The following FDX2 variants were observed in gnomAD, a reference collection of about 807,000 sequenced individuals.
The protein encoded by FDX2 is ferredoxin-2, mitochondrial.
FDX2 carries 13 observed loss-of-function variants against 18.5 expected under a neutral mutation model. The ratio of observed to expected loss-of-function variants is 0.70; its 90% CI spans 0.46 to 1.12. The LOEUF is 1.12. Ranked by LOEUF, FDX2 falls within the 50% of genes most tolerant of loss-of-function variation. FDX2 has a pLI of 0.00. For missense variants in FDX2, 238 were observed against 250.4 expected (o/e 0.95, Z 0.34); for synonymous variants, 132 against 106.2 (o/e 1.24, Z -1.49).
At chr19:10,311,866 ATTT>A (rs34531286) in intron 3 of FDX2, among the ~76,000 whole-genome samples, 1,934 of 97,256 alleles carry the variant, frequency 0.02, 21 homozygotes, top group Middle Eastern at 0.045. Flanking sequence ...CACCTGGCTA[ATTT>A]TTTTTTTTTT....
rs371059833 is a variant in FDX2, at chr19:10,315,941, G to A, written c.65C>T (p.Ala22Val). Residue 22 changes from alanine to valine, a missense_variant, in exon 1 of 5, where the codon GCC becomes GTC. Physicochemically the swap from Ala to Val is moderately conservative, Grantham distance 64. Transcript: ENST00000393708. ...AGGTCTGTTCCACCAGGTGCCCCTG[G>A]CAGCCTGCAGTAGAACCCTGGCACT... is the stretch of plus-strand genomic sequence containing the variant. The A allele has an allele frequency of 3.1e-6, 5 of 1,610,420 alleles. No homozygotes were observed. Among genetic ancestry groups the A allele is most frequent in the Non-Finnish European group, 4.2e-6 (5 of 1,179,090 alleles).
At chr19:10,313,075 T>C (rs1335183051) in intron 3 of FDX2, among the ~76,000 whole-genome samples, 7 of 152,150 alleles carry the variant, frequency 4.6e-5, no homozygotes, top group Admixed American at 4.6e-4. Flanking sequence ...GAGGTAGAGG[T>C]TGCAGTAAGC....
intron 3 of FDX2, among the ~76,000 whole-genome samples, chr19:10,311,866 ATT>A (rs34531286): frequency 0.16 from 15,410 of 97,134 alleles, 1,087 homozygotes; most frequent in Admixed American, 0.27. Context: ...CACCTGGCTA[ATT>A]TTTTTTTTTT....
intron 3 of FDX2, among the ~76,000 whole-genome samples, chr19:10,312,661 G>A (rs1224619428): frequency 6.6e-6 from 1 of 152,092 alleles, no homozygotes; most frequent in Non-Finnish European, 1.5e-5. Context: ...GCCTCCCAGA[G>A]CAGCTGGGAC....
intron 3 of FDX2, among the ~76,000 whole-genome samples, chr19:10,311,697 G>T (rs2040326369): frequency 6.9e-6 from 1 of 145,314 alleles, no homozygotes; most frequent in African/African-American, 2.5e-5. Context: ...ACTGCACCCG[G>T]CCAGGATTTT....
chr19:10,313,594 C>A (rs1223076074), intron 3 of FDX2, among the ~76,000 whole-genome samples: 1 of 135,074 alleles, frequency 7.4e-6, no homozygotes, highest in Non-Finnish European at 1.5e-5. Context: ...ACAGTCTCTA[C>A]TACTCAAGTT....
chr19:10,310,796 G>A, intron 4 of FDX2, 57 bp downstream of exon 4: 5 of 1,564,778 alleles, frequency 3.2e-6, no homozygotes, highest in Non-Finnish European at 4.4e-6. Context: ...GAGGATGGTG[G>A]GGGCTGCTGA....
chr19:10,313,671 A>ATATATATATATATT (rs1361901597), intron 3 of FDX2, among the ~76,000 whole-genome samples: 1 of 45,412 alleles, frequency 2.2e-5, no homozygotes, highest in African/African-American at 1.1e-4. Flanking sequence ...ATATATATAT[A>ATATATATATATATT]TTTTTTTTTT....
Position 10,310,660 on chromosome 19 carries a change from G to T in FDX2, c.405-18C>A, listed in dbSNP as rs1435896457. 6.3e-7 allele frequency: 1 copy of T among 1,599,424 alleles called. No homozygotes were observed. ...CGTCTTCCCTAGGGTGGTGACACGG[G>T]CAGTGTTAGCCGAGGGCAAGCTAGC... On this transcript the variant is annotated intron_variant, in intron 4 of 4. Coordinates refer to ENST00000393708, the MANE Select transcript of FDX2 (RefSeq NM_001031734.4).
chr19:10,311,811 C>T (rs1411766077), intron 3 of FDX2, among the ~76,000 whole-genome samples: 1 of 150,344 alleles, frequency 6.7e-6, no homozygotes, highest in Admixed American at 6.7e-5. Context: ...GCGATCCTCC[C>T]ACCCCAGCCT....
chr19:10,312,359 C>A (rs930801001), intron 3 of FDX2, among the ~76,000 whole-genome samples: 1 of 151,930 alleles, frequency 6.6e-6, no homozygotes, highest in Non-Finnish European at 1.5e-5. Flanking sequence ...TTTCTGCTGA[C>A]CACCTGCCCT....
chr19:10,310,748 TG>T, intron 4 of FDX2, 104 bp downstream of exon 4: 1 of 683,320 alleles, frequency 1.5e-6, no homozygotes. Flanking sequence ...GGGGTAGTGG[TG>T]GGGGAGGCAG....
At position 10,310,373 on chromosome 19, in the gene FDX2, G is replaced by C. The variant is rs1015977791; in HGVS notation, c.*113C>G. 5 of 1,401,924 alleles carry C rather than the reference G, an allele frequency of 3.6e-6. No homozygotes were observed. The Admixed American group carries it at 6.1e-5, about 17-fold the overall frequency. 86.8% of individuals were successfully genotyped at this position (1,401,924 alleles called of 1,614,324 possible). ...AAGCAGGGGTGTTGTCCTTCACAGGGGCTTCCACGTCTCTCCCGGGCCTGT... is the reference window on the plus strand; with the variant it reads ...AAGCAGGGGTGTTGTCCTTCACAGGCGCTTCCACGTCTCTCCCGGGCCTGT... On this transcript the variant is annotated 3_prime_UTR_variant, in exon 5 of 5. Transcript: ENST00000393708.
At position 10,315,694 on chromosome 19, in the gene FDX2, C is replaced by T. The variant is rs1007886717; in HGVS notation, c.209+11G>A. 10 of 1,548,244 alleles carry T rather than the reference C, an allele frequency of 6.5e-6. No individual in the cohort carries two copies. The highest frequency in any genetic ancestry group is 2.7e-5 in the African/African-American group (2 of 72,974). On this transcript the variant is annotated intron_variant, in intron 2 of 4. Transcript: ENST00000393708. Reference sequence around the variant, plus strand: ...GGATGAGGAATGGGGGACTTGGCCCCCTGCACTCACACGTCCCCGGGCCGC... The same window carrying T: ...GGATGAGGAATGGGGGACTTGGCCCTCTGCACTCACACGTCCCCGGGCCGC...
chr19:10,313,194 T>C (rs767427153), intron 3 of FDX2, among the ~76,000 whole-genome samples: 1 of 152,182 alleles, frequency 6.6e-6, no homozygotes, highest in African/African-American at 2.4e-5. Flanking sequence ...TCCTAGACTA[T>C]TGGCTGCTGG....
intron 3 of FDX2, 105 bp downstream of exon 3, chr19:10,315,281 G>C (rs1215605416): frequency 1.1e-6 from 1 of 891,902 alleles, no homozygotes; most frequent in Non-Finnish European, 1.7e-6. Flanking sequence ...TCCATATTTG[G>C]TGGGAAAAAG....
At chr19:10,314,926 C>T (rs186293762) in intron 3 of FDX2, among the ~76,000 whole-genome samples, 1 of 152,222 alleles carries the variant, frequency 6.6e-6, no homozygotes, top group African/African-American at 2.4e-5. Context: ...TGTGGTGAAA[C>T]CCCGTCTCTA....
At chr19:10,314,913 C>CTCAGTGTGGTGA (rs2040362212) in intron 3 of FDX2, among the ~76,000 whole-genome samples, 1 of 152,042 alleles carries the variant, frequency 6.6e-6, no homozygotes, top group South Asian at 2.1e-4. Flanking sequence ...CCAGCCTGGC[C>CTCAGTGTGGTGA]AATGTGGTGA....
At chr19:10,315,337 T>TC in intron 3 of FDX2, 49 bp downstream of exon 3, 3 of 1,064,558 alleles carry the variant, frequency 2.8e-6, no homozygotes, top group Non-Finnish European at 4.0e-6. Flanking sequence ...TTTTTTTTTT[T>TC]TGGACAAATG....
Sources: allele counts gnomAD v4.1 joint callset (sites outside exome capture counted in the v4.1 genomes callset), GRCh38; gene constraint gnomAD v4.1.1; transcripts MANE v1.5; gene names NCBI Gene and HGNC (gene_info 2026-07-23, HGNC 2026-07-21).